Variants in EDIL3 observed in about 807,000 individuals in gnomAD.
EDIL3 encodes EGF like and discoidin domains 3.
EDIL3 carries 37 observed loss-of-function variants against 67.4 expected under a neutral mutation model. The observed-to-expected ratio is 0.55, with a 90% CI of 0.42 to 0.72. The LOEUF (loss-of-function observed/expected upper bound fraction) is 0.72, where lower values mean the gene tolerates loss of function less well. Among genes scored for constraint, EDIL3 ranks in the 30% least tolerant of loss-of-function variants. The probability of loss-of-function intolerance (pLI) is 0.00; values close to 1 mark genes in which losing one functional copy is unlikely to be tolerated. For missense variants in EDIL3, 527 were observed against 586.3 expected (o/e 0.90, Z 1.04); for synonymous variants, 195 against 196.3 (o/e 0.99, Z 0.05).
chr5:84,364,089 C>G (rs538101453), intron 1 of EDIL3, among the ~76,000 whole-genome samples: 75 of 152,226 alleles, frequency 4.9e-4, no homozygotes, highest in African/African-American at 1.8e-3. Flanking sequence ...GAAATTGTCA[C>G]TACTTCCAAT....
At chr5:84,291,738 CTATATAGATA>C (rs1296895421) in intron 1 of EDIL3, among the ~76,000 whole-genome samples, 2 of 144,246 alleles carry the variant, frequency 1.4e-5, no homozygotes, top group African/African-American at 2.5e-5. Flanking sequence ...ATAGATCTAT[CTATATAGATA>C]TATCTATATA....
At chr5:84,182,165 G>A (rs1295495992) in intron 3 of EDIL3, among the ~76,000 whole-genome samples, 7 of 151,932 alleles carry the variant, frequency 4.6e-5, no homozygotes, top group African/African-American at 1.5e-4. Flanking sequence ...GGTGGTGCAC[G>A]CCTGTAATCC....
At chr5:84,051,060 C>A (rs1746327512) in intron 9 of EDIL3, among the ~76,000 whole-genome samples, 1 of 152,280 alleles carries the variant, frequency 6.6e-6, no homozygotes, top group Middle Eastern at 3.4e-3. Flanking sequence ...GGGAGGCACC[C>A]CCCAGTAGGG....
At chr5:84,010,748 G>A (rs948400887) in intron 9 of EDIL3, among the ~76,000 whole-genome samples, 5 of 152,082 alleles carry the variant, frequency 3.3e-5, no homozygotes, top group African/African-American at 1.2e-4. Flanking sequence ...ATAAATCTGG[G>A]ATCTGCTAGC....
intron 1 of EDIL3, among the ~76,000 whole-genome samples, chr5:84,297,100 T>G (rs973857321): frequency 7.0e-6 from 1 of 142,266 alleles, no homozygotes; most frequent in African/African-American, 2.6e-5. Flanking sequence ...GAGAATGGTG[T>G]GAACCCAGGA....
chr5:84,033,656 A>T (rs1745967421), intron 9 of EDIL3, among the ~76,000 whole-genome samples: 1 of 147,476 alleles, frequency 6.8e-6, no homozygotes, highest in Non-Finnish European at 1.5e-5. Context: ...GTGAGCCAAG[A>T]TCCTGCCATT....
intron 4 of EDIL3, among the ~76,000 whole-genome samples, chr5:84,143,979 G>A (rs1261405950): frequency 6.6e-6 from 1 of 152,048 alleles, no homozygotes; most frequent in Non-Finnish European, 1.5e-5. Flanking sequence ...AGGTGCTCCA[G>A]CCTATTTCTA....
At chr5:83,996,542 T>A (rs1745241675) in intron 9 of EDIL3, among the ~76,000 whole-genome samples, 1 of 152,314 alleles carries the variant, frequency 6.6e-6, no homozygotes, top group Admixed American at 6.5e-5. Flanking sequence ...GGAATGTTGG[T>A]ATAGCACATA....
At chr5:84,077,701 C>T (rs1746886651) in intron 6 of EDIL3, among the ~76,000 whole-genome samples, 1 of 152,088 alleles carries the variant, frequency 6.6e-6, no homozygotes, top group Non-Finnish European at 1.5e-5. Flanking sequence ...ATGGGAGCTA[C>T]AATTCAAGAT....
chr5:83,998,873 C>T lies in EDIL3; in HGVS notation c.1138-35513G>A, dbSNP rs538696472. Among the ~76,000 whole-genome samples, 13 of 152,264 alleles carry T rather than the reference C, an allele frequency of 8.5e-5. 1 individual carries two copies. Among genetic ancestry groups the T allele is most frequent in the African/African-American group, 2.4e-4 (10 of 41,558 alleles). ...AGCTTCAGGTGTGACCCAGCACTGT[C>T]CCAGTGGTGGTTATGGGAGTGCTTG... On this transcript the variant is annotated intron_variant, in intron 9 of 10. Coordinates refer to ENST00000296591, the MANE Select transcript of EDIL3 (RefSeq NM_005711.5).
chr5:84,106,871 C>T (rs771774488), intron 5 of EDIL3, 41 bp from the exon 6 acceptor site: 3 of 1,557,800 alleles, frequency 1.9e-6, no homozygotes, highest in East Asian at 4.5e-5. Flanking sequence ...GTATTAGAAA[C>T]AATGCATATA....
chr5:84,371,331 ATATATATATATG>A (rs1392082174), intron 1 of EDIL3, among the ~76,000 whole-genome samples: 1 of 144,010 alleles, frequency 6.9e-6, no homozygotes, highest in Non-Finnish European at 1.5e-5. Flanking sequence ...ATATATATAT[ATATATATATATG>A]TGTGTGTGTA....
chr5:84,209,296 A>G (rs1744064923), intron 3 of EDIL3, among the ~76,000 whole-genome samples: 1 of 152,058 alleles, frequency 6.6e-6, no homozygotes, highest in African/African-American at 2.4e-5. Flanking sequence ...TAATGGGTGC[A>G]GCACACCAGC....
intron 3 of EDIL3, among the ~76,000 whole-genome samples, chr5:84,206,852 C>A (rs2112384461): frequency 6.6e-6 from 1 of 152,324 alleles, no homozygotes; most frequent in Middle Eastern, 3.4e-3. Context: ...AATAACTCTT[C>A]ACGCTAAAAA....
chr5:84,064,573 T>C (rs1453922077), intron 8 of EDIL3, 127 bp downstream of exon 8: 3 of 1,201,534 alleles, frequency 2.5e-6, no homozygotes, highest in African/African-American at 1.5e-5. Context: ...TGAACCATGT[T>C]GTAGACATTT....
At chr5:83,981,113 C>T (rs543075233) in intron 9 of EDIL3, among the ~76,000 whole-genome samples, 1 of 152,156 alleles carries the variant, frequency 6.6e-6, no homozygotes, top group East Asian at 1.9e-4. Flanking sequence ...TCTCAACTGG[C>T]TTCTTTGCAG....
intron 1 of EDIL3, among the ~76,000 whole-genome samples, chr5:84,307,062 G>T (rs1037783549): frequency 3.3e-5 from 5 of 152,172 alleles, no homozygotes; most frequent in South Asian, 2.1e-4. Flanking sequence ...AGACATAAAT[G>T]ATACTATCAC....
intron 3 of EDIL3, among the ~76,000 whole-genome samples, chr5:84,182,995 T>C (rs1301612337): frequency 2.0e-5 from 3 of 152,156 alleles, no homozygotes; most frequent in Admixed American, 1.3e-4. Flanking sequence ...ATTTGAACCA[T>C]TTTCTTTCAT....
At chr5:84,195,450 G>A (rs941599246) in intron 3 of EDIL3, among the ~76,000 whole-genome samples, 4 of 151,964 alleles carry the variant, frequency 2.6e-5, no homozygotes, top group Non-Finnish European at 5.9e-5. Flanking sequence ...GATCAGTACA[G>A]TAAAGTTTTT....
Sources: gnomAD v4.1 joint callset for allele counts (sites outside exome capture counted in the v4.1 genomes callset) on GRCh38, gnomAD v4.1.1 for gene constraint, MANE v1.5 for transcripts, NCBI Gene and HGNC (gene_info 2026-07-23, HGNC 2026-07-21) for gene names.